The following DBT variants were observed in gnomAD, a reference collection of about 807,000 sequenced individuals.
DBT encodes lipoamide acyltransferase component of branched-chain alpha-keto acid dehydrogenase complex, mitochondrial.
A neutral mutation model predicts 51.3 loss-of-function variants in DBT; 40 were observed. The ratio of observed to expected loss-of-function variants is 0.78; its 90% confidence interval spans 0.61 to 1.02. The LOEUF (loss-of-function observed/expected upper bound fraction) is 1.02, where lower values mean the gene tolerates loss of function less well. Ranked by LOEUF, DBT falls within the 50% of genes least tolerant of loss-of-function variation. DBT has a pLI of 0.00. For missense variants in DBT, 510 were observed against 580.2 expected (o/e 0.88, Z 1.24); for synonymous variants, 181 against 190.4 (o/e 0.95, Z 0.41).
At chr1:100,209,788 C>T (rs1662022668) in intron 8 of DBT, among the ~76,000 whole-genome samples, 1 of 151,972 alleles carries the variant, frequency 6.6e-6, no homozygotes, top group South Asian at 2.1e-4. Flanking sequence ...TCTCAAACTC[C>T]TGACCTCACA....
Position 100,191,809 on chromosome 1 carries a change from G to A in DBT, c.*4446C>T, listed in dbSNP as rs752398323. 1.3e-4 allele frequency: 19 copies of A among 142,662 alleles called. No homozygotes were observed. The highest frequency in any genetic ancestry group is 5.1e-4 in the African/African-American group (19 of 37,312). The allele number at this position is 142,662 out of a possible 1,614,324, so 8.8% of individuals were successfully genotyped here. A position where few individuals can be genotyped will look rare whatever the true frequency, so the allele number is the denominator to read the frequency against. On this transcript the variant is annotated 3_prime_UTR_variant, in exon 11 of 11. Coordinates refer to ENST00000370132, the MANE Select transcript of DBT (RefSeq NM_001918.5). ...ACACACACACACACACACACACACA[G>A]AGTCTTGCTCTGTCGCCCAGGCTGG... is the stretch of plus-strand genomic sequence containing the variant.
At chr1:100,231,743 A>C (rs549629555) in intron 3 of DBT, among the ~76,000 whole-genome samples, 1 of 152,358 alleles carries the variant, frequency 6.6e-6, no homozygotes, top group East Asian at 1.9e-4. Context: ...CAACAAGTAC[A>C]GTGCCAAAAG....
rs1662468729 is a variant in DBT at position 100,216,092 on chromosome 1, G to A, written c.663C>T (p.Pro221=). Residue 221 remains proline (P), a synonymous_variant, in exon 6 of 11, where the codon CCC becomes CCT. Coordinates refer to ENST00000370132, the MANE Select transcript of DBT (RefSeq NM_001918.5). ...GTGGAGGTGGCATAATTTCAACTTT[G>A]GGTGAAGGAGGCAATATAGCTCCTG... ...KQTGAILPPS[P]KVEIMPPPPK... 6.2e-6 allele frequency: 10 copies of A among 1,613,164 alleles called. No homozygotes were observed. The East Asian group carries it at 2.2e-4, about 36-fold the overall frequency.
chr1:100,218,705 T>A lies in DBT; in HGVS notation c.476A>T (p.Asp159Val). ...DVVETPAVSH[D>V]EHTHQEIKGR... ...CTTTATCTCTTGGTGTGTATGTTCA[T>A]CATGAGACACTGCAGGAGTTTCAAC... The change falls in exon 5 of 11, where the codon GAT becomes GTT. Residue 159 changes from aspartate to valine, a missense_variant. Coordinates refer to ENST00000370132, the MANE Select transcript of DBT (RefSeq NM_001918.5). 1.9e-6 allele frequency: 3 copies of A among 1,613,816 alleles called. No individual in the cohort carries two copies. Among genetic ancestry groups the A allele is most frequent in the Non-Finnish European group, 2.5e-6 (3 of 1,179,750 alleles).
chr1:100,208,910 CA>C (rs11369687), intron 8 of DBT, among the ~76,000 whole-genome samples: 107 of 109,414 alleles, frequency 9.8e-4, no homozygotes, highest in Non-Finnish European at 1.2e-3. Context: ...GACTCTGTAT[CA>C]AAAAAAAAAA....
chr1:100,236,579 CT>C (rs1286375313), intron 2 of DBT, among the ~76,000 whole-genome samples: 1 of 152,108 alleles, frequency 6.6e-6, no homozygotes, highest in African/African-American at 2.4e-5. Flanking sequence ...AAGTTGGGTC[CT>C]CTCACAGCTT....
At chr1:100,245,005 TGAG>T (rs965633510) in intron 1 of DBT, among the ~76,000 whole-genome samples, 2 of 152,032 alleles carry the variant, frequency 1.3e-5, no homozygotes, top group African/African-American at 2.4e-5. Context: ...TGAATGGCTC[TGAG>T]GAGAAGGCTA....
rs1053806674 is a variant in DBT at position 100,207,934 on chromosome 1, C to T, written c.1018-1298G>A. 2.0e-5 allele frequency among the ~76,000 whole-genome samples: 3 copies of T among 152,062 alleles called. No homozygotes were observed. The East Asian group carries it at 5.8e-4, about 29-fold the overall frequency. On this transcript the variant is annotated intron_variant, in intron 8 of 10. Coordinates refer to ENST00000370132, the MANE Select transcript of DBT (RefSeq NM_001918.5). ...GATCACGAGGTCAGGAGATGGAGAC[C>T]ATCCTGGCTAACACAGTGAAACCCC...
chr1:100,226,642 C>G (rs1663235610), intron 4 of DBT, among the ~76,000 whole-genome samples: 1 of 152,060 alleles, frequency 6.6e-6, no homozygotes, highest in African/African-American at 2.4e-5. Flanking sequence ...CCCTAACGCC[C>G]AGATTATAGC....
chr1:100,195,335 A>G lies in DBT; in HGVS notation c.*920T>C, dbSNP rs961499066. ...AAAACTATATCCATTTTAAACAAAC[A>G]CCTTTAATAGACTGGTTATAAAACT... On this transcript the variant is annotated 3_prime_UTR_variant, in exon 11 of 11. Transcript: ENST00000370132. The G allele has an allele frequency of 4.6e-5, 7 of 152,616 alleles. No individual in the cohort carries two copies. The highest frequency in any genetic ancestry group is 3.9e-4 in the East Asian group (2 of 5,194). The allele number at this position is 152,616 out of a possible 1,614,324, so 9.5% of individuals were successfully genotyped here. A position where few individuals can be genotyped will look rare whatever the true frequency, so the allele number is the denominator to read the frequency against.
intron 6 of DBT, among the ~76,000 whole-genome samples, chr1:100,215,532 A>G (rs1040581252): frequency 6.6e-6 from 1 of 152,202 alleles, no homozygotes; most frequent in Admixed American, 6.5e-5. Context: ...CACCATTTAA[A>G]AATTATGGCC....
At chr1:100,247,023 A>C (rs1664581283) in intron 1 of DBT, among the ~76,000 whole-genome samples, 1 of 152,236 alleles carries the variant, frequency 6.6e-6, no homozygotes, top group Non-Finnish European at 1.5e-5. Flanking sequence ...GTGTGTGTGC[A>C]AATAACTCAA....
In DBT at chr1:100,206,651, A is replaced by C. The variant is rs1204380585; in HGVS notation, c.1018-15T>G. On this transcript the variant is annotated splice_polypyrimidine_tract_variant and intron_variant, in intron 8 of 10. Coordinates refer to ENST00000370132, the MANE Select transcript of DBT (RefSeq NM_001918.5). ...TTATGAGAAGCCTAAAAAATAAAAA[A>C]TTGTACAGTAGGGCTTTTAATGAAT... The C allele has an allele frequency of 2.0e-6, 3 of 1,496,806 alleles. No individual in the cohort carries two copies. The South Asian group carries it at 3.4e-5, about 17-fold the overall frequency. 92.7% of individuals were successfully genotyped at this position (1,496,806 alleles called of 1,614,324 possible). A position where few individuals can be genotyped will look rare whatever the true frequency, so the allele number is the denominator to read the frequency against.
intron 8 of DBT, among the ~76,000 whole-genome samples, chr1:100,208,770 T>G (rs1434808527): frequency 6.7e-6 from 1 of 149,930 alleles, no homozygotes; most frequent in East Asian, 2.0e-4. Context: ...TAGCTGGGCA[T>G]GGTGGCACGT....
chr1:100,225,042 A>AAATATAT (rs59482100), intron 4 of DBT, among the ~76,000 whole-genome samples: 488 of 45,648 alleles, frequency 0.011, 53 homozygotes, highest in Middle Eastern at 0.042. Context: ...AAAAAAAAAA[A>AAATATAT]ATATATATAT....
chr1:100,246,046 G>T (rs1325424540), intron 1 of DBT, among the ~76,000 whole-genome samples: 21 of 152,012 alleles, frequency 1.4e-4, no homozygotes, highest in Non-Finnish European at 2.8e-4. Context: ...GGTGGATCAC[G>T]AGGTCAAGAG....
intron 4 of DBT, among the ~76,000 whole-genome samples, chr1:100,229,451 C>T (rs535956066): frequency 4.1e-4 from 63 of 152,296 alleles, no homozygotes; most frequent in African/African-American, 1.3e-3. Context: ...CAGGCGTGAG[C>T]CACTGCGCCC....
Position 100,196,318 on chromosome 1 carries a change from G to A in DBT, c.1386C>T (p.Arg462=). ...HRVIDGATMS[R]FSNLWKSYLE... ...AATAGGATTTCCACAAATTGGAGAA[G>A]CGTGACATTGTAGCACCATCAATAA... Residue 462 remains arginine (R), a synonymous_variant, in exon 11 of 11, where the codon CGC becomes CGT. Coordinates refer to ENST00000370132, the MANE Select transcript of DBT (RefSeq NM_001918.5). 3 of 1,612,668 alleles carry A rather than the reference G, an allele frequency of 1.9e-6. No individual in the cohort carries two copies. The highest frequency in any genetic ancestry group is 2.5e-6 in the Non-Finnish European group (3 of 1,179,918).
chr1:100,206,087 A>G (rs999902817), intron 10 of DBT, 143 bp downstream of exon 10: 57 of 620,134 alleles, frequency 9.2e-5, no homozygotes, highest in Non-Finnish European at 1.3e-4. Context: ...AAAAAAAAAA[A>G]AAAGAAATAA....
Sources: allele counts gnomAD v4.1 joint callset (sites outside exome capture counted in the v4.1 genomes callset), GRCh38; gene constraint gnomAD v4.1.1; transcripts MANE v1.5; gene names NCBI Gene and HGNC (gene_info 2026-07-23, HGNC 2026-07-21).